PCDHA5: variants seen among roughly 807,000 people sequenced by gnomAD.
PCDHA5 encodes the protein protocadherin alpha 5, also known as protocadherin alpha-5.
Under a neutral mutation model 61.6 loss-of-function variants are expected in PCDHA5, and 43 were observed. The ratio of observed to expected loss-of-function variants is 0.70; its 90% confidence interval spans 0.55 to 0.90. The LOEUF (loss-of-function observed/expected upper bound fraction) is 0.90. Among genes scored for constraint, PCDHA5 ranks in the 40% least tolerant of loss-of-function variants. The pLI is 0.00. For missense variants in PCDHA5, 1,298 were observed against 1,222.7 expected, an observed-to-expected ratio of 1.06 and a Z score of -0.92; for synonymous variants, 627 against 543.9, an observed-to-expected ratio of 1.15 and a Z score of -2.13.
chr5:140,967,555 C>T, intron 1 of PCDHA5: 4 of 1,614,008 alleles, frequency 2.5e-6, no homozygotes, highest in Non-Finnish European at 3.4e-6. Flanking sequence ...CCACTTATCG[C>T]GTCCAGCTAC....
intron 1 of PCDHA5, chr5:140,865,693 C>T (rs1274401482): frequency 6.6e-6 from 1 of 152,076 alleles, no homozygotes; most frequent in South Asian, 2.1e-4. Context: ...TATGACTGTT[C>T]CAATTTGAAA....
At chr5:140,863,748 C>T (rs1221413981) in intron 1 of PCDHA5, 2 of 241,286 alleles carry the variant, frequency 8.3e-6, no homozygotes, top group South Asian at 5.4e-5. Flanking sequence ...TTTGTAATCC[C>T]GGCACTTTGG....
intron 1 of PCDHA5, among the ~76,000 whole-genome samples, chr5:140,915,956 A>G (rs1170172761): frequency 6.6e-6 from 1 of 151,996 alleles, no homozygotes; most frequent in African/African-American, 2.4e-5. Flanking sequence ...ATACTTAGAA[A>G]TTTGCCTGAT....
rs372500794 is a variant in PCDHA5, at chr5:140,876,782, C to A, written c.2352+52655C>A. 5.6e-6 allele frequency: 9 copies of A among 1,614,096 alleles called. No individual in the cohort carries two copies. The East Asian group carries it at 1.8e-4, about 32-fold the overall frequency. On this transcript the variant is annotated intron_variant, in intron 1 of 3. Transcript: ENST00000529859. ...GATGGGGGCTCGCCTTCGCTGTGGG[C>A]CACGGCTAGAGTGTCCGTGGAGGTG...
rs1554132920 is a variant in PCDHA5 at position 140,830,554 on chromosome 5, C to A, written c.2352+6427C>A. The A allele has an allele frequency of 4.7e-6, 5 of 1,064,408 alleles. No individual in the cohort carries two copies. In the African/African-American group the frequency reaches 8.2e-5, roughly 18 times the overall value. 65.9% of individuals were successfully genotyped at this position (1,064,408 alleles called of 1,614,324 possible). A position where few individuals can be genotyped will look rare whatever the true frequency, so the allele number is the denominator to read the frequency against. ...TTATAATTGTTTTCCTCATATTTGT[C>A]TTCTATATTTCTGTTTTTAATTTTT... On this transcript the variant is annotated intron_variant, in intron 1 of 3. Coordinates refer to ENST00000529859, the MANE Select transcript of PCDHA5 (RefSeq NM_018908.3).
intron 1 of PCDHA5, chr5:140,841,679 G>C: frequency 6.2e-7 from 1 of 1,613,984 alleles, no homozygotes. Context: ...TTTCCATGTG[G>C]ACGTGGAGGT....
chr5:140,961,638 A>G (rs1428621389), intron 1 of PCDHA5, among the ~76,000 whole-genome samples: 1 of 152,200 alleles, frequency 6.6e-6, no homozygotes, highest in Non-Finnish European at 1.5e-5. Flanking sequence ...AACAATCTTA[A>G]GTCTATGTGG....
chr5:140,831,462 T>C (rs1322617868), intron 1 of PCDHA5, among the ~76,000 whole-genome samples: 1 of 140,760 alleles, frequency 7.1e-6, no homozygotes, highest in South Asian at 2.4e-4. Context: ...TGGGCTCAAG[T>C]GATTCTCTCA....
intron 1 of PCDHA5, chr5:140,927,857 G>A: frequency 6.2e-7 from 1 of 1,614,172 alleles, no homozygotes; most frequent in African/African-American, 1.3e-5. Context: ...GGTTTAGCTA[G>A]CACCGCTAAA....
chr5:140,927,687 T>C (rs1563095426), intron 1 of PCDHA5: 2 of 1,614,158 alleles, frequency 1.2e-6, no homozygotes, highest in Non-Finnish European at 1.7e-6. Context: ...AAGGGTCCAA[T>C]GGGGAAGTCC....
chr5:140,867,218 C>T (rs1306358108), intron 1 of PCDHA5: 1 of 152,104 alleles, frequency 6.6e-6, no homozygotes, highest in Non-Finnish European at 1.5e-5. Context: ...TCTTCATCCC[C>T]AATTCCCATA....
At chr5:140,977,227 A>G (rs149467858) in intron 1 of PCDHA5, among the ~76,000 whole-genome samples, 4 of 152,288 alleles carry the variant, frequency 2.6e-5, no homozygotes, top group African/African-American at 7.2e-5. Context: ...ATGTTACCCA[A>G]TCATAGAAAA....
rs760426957 is a variant in PCDHA5, at chr5:141,009,783, G to A, written c.2657G>A (p.Arg886Gln). 2.5e-6 allele frequency: 4 copies of A among 1,613,880 alleles called. No individual in the cohort carries two copies. Among genetic ancestry groups the A allele is most frequent in the Admixed American group, 3.3e-5 (2 of 59,976 alleles). Reference protein sequence around the residue: ...IPGSPAIISIRQEPTNSQIDK... With the variant: ...IPGSPAIISIQQEPTNSQIDK... ...GGATCTCCTGCAATCATCTCCATCC[G>A]GCAGGAGCCTACTAACAGCCAAATT... is the stretch of plus-strand genomic sequence containing the variant. Residue 886 changes from arginine (R) to glutamine (Q), a missense_variant, in exon 4 of 4, where the codon CGG becomes CAG. Transcript: ENST00000529859.
At chr5:140,834,812 G>A in intron 1 of PCDHA5, 1 of 1,612,600 alleles carries the variant, frequency 6.2e-7, no homozygotes, top group African/African-American at 1.3e-5. Flanking sequence ...TGTTCATCGC[G>A]GAATCCAGGC....
intron 1 of PCDHA5, among the ~76,000 whole-genome samples, chr5:140,935,712 T>C (rs1480290454): frequency 1.3e-5 from 2 of 152,138 alleles, no homozygotes; most frequent in African/African-American, 4.8e-5. Context: ...TAAAACAAAA[T>C]ATATTTAGAG....
chr5:140,941,245 TTCTTTCTTTC>T (rs1379125224), intron 1 of PCDHA5, among the ~76,000 whole-genome samples: 44 of 140,720 alleles, frequency 3.1e-4, no homozygotes, highest in Middle Eastern at 3.3e-3. Context: ...CTTTCTTTCT[TTCTTTCTTTC>T]TCTTTCTTTC....
intron 1 of PCDHA5, chr5:140,882,748 A>C: frequency 1.2e-6 from 2 of 1,614,258 alleles, no homozygotes; most frequent in Non-Finnish European, 1.7e-6. Flanking sequence ...CATCCGATGC[A>C]GATATTGGAG....
At chr5:140,925,479 A>G (rs2082513030) in intron 1 of PCDHA5, among the ~76,000 whole-genome samples, 1 of 152,116 alleles carries the variant, frequency 6.6e-6, no homozygotes. Context: ...TGTTTCTCAT[A>G]GAACTGATCA....
Position 140,843,872 on chromosome 5 carries a change from G to A in PCDHA5, c.2352+19745G>A, listed in dbSNP as rs2150367258. ...TTTTATAATTAATTGAATTTTCTCA[G>A]TGGCATAATACAGTATTAATCATTC... On this transcript the variant is annotated intron_variant, in intron 1 of 3. Transcript: ENST00000529859. The A allele has an allele frequency of 1.5e-4, 121 of 801,174 alleles. 7 individuals carry two copies. The highest frequency in any genetic ancestry group is 2.3e-4 in the Non-Finnish European group (116 of 509,628). The allele number at this position is 801,174 out of a possible 1,614,324, so 49.6% of individuals were successfully genotyped here.
Sources: gnomAD v4.1 joint callset for allele counts (sites outside exome capture counted in the v4.1 genomes callset) on GRCh38, gnomAD v4.1.1 for gene constraint, MANE v1.5 for transcripts, NCBI Gene and HGNC (gene_info 2026-07-23, HGNC 2026-07-21) for gene names.